The following SCAPER variants were observed in gnomAD, a reference collection of about 807,000 sequenced individuals.
The protein encoded by SCAPER is S-phase cyclin A associated protein in the ER, also known as S phase cyclin A-associated protein in the endoplasmic reticulum.
SCAPER carries 98 observed loss-of-function variants against 182.2 expected under a neutral mutation model. The ratio of observed to expected loss-of-function variants is 0.54; its 90% CI spans 0.46 to 0.64. The LOEUF (loss-of-function observed/expected upper bound fraction) is 0.64, where lower values mean the gene tolerates loss of function less well. SCAPER is among the 30% of genes least tolerant of loss of function. The probability of loss-of-function intolerance (pLI) is 0.00; values close to 1 mark genes in which losing one functional copy is unlikely to be tolerated. For missense variants in SCAPER, 1,432 were observed against 1,690.0 expected, an observed-to-expected ratio of 0.85 and a Z score of 2.68; for synonymous variants, 605 against 564.6, an observed-to-expected ratio of 1.07 and a Z score of -1.01.
chr15:76,834,547 T>C (rs1030234876), intron 5 of SCAPER, among the ~76,000 whole-genome samples: 70 of 151,844 alleles, frequency 4.6e-4, no homozygotes, highest in Non-Finnish European at 1.0e-4. Flanking sequence ...CTCACCACCA[T>C]ACTAATAAGG....
intron 25 of SCAPER, among the ~76,000 whole-genome samples, chr15:76,450,443 A>AAG (rs1202715853): frequency 6.6e-5 from 10 of 152,168 alleles, no homozygotes; most frequent in Non-Finnish European, 1.5e-4. Context: ...GCCTTTTGGA[A>AAG]AGAGTATTTT....
intron 23 of SCAPER, among the ~76,000 whole-genome samples, chr15:76,515,854 C>CTCTGACATCAGAAATTCCCT (rs1261307400): frequency 2.6e-5 from 4 of 152,286 alleles, no homozygotes; most frequent in Middle Eastern, 3.4e-3. Context: ...ATTCCTGGGG[C>CTCTGACATCAGAAATTCCCT]TCTGACATCA....
At chr15:76,870,950 C>T (rs2072680861) in intron 2 of SCAPER, among the ~76,000 whole-genome samples, 2 of 151,884 alleles carry the variant, frequency 1.3e-5, no homozygotes, top group African/African-American at 4.8e-5. Context: ...CCGACAACAA[C>T]AACAACAAAA....
chr15:76,636,098 C>G (rs2053575836), intron 21 of SCAPER, among the ~76,000 whole-genome samples: 1 of 152,102 alleles, frequency 6.6e-6, no homozygotes. Context: ...CTACTAGTGA[C>G]AAACAATTCA....
At chr15:76,573,584 T>A (rs924591456) in intron 23 of SCAPER, among the ~76,000 whole-genome samples, 3 of 152,118 alleles carry the variant, frequency 2.0e-5, no homozygotes, top group Non-Finnish European at 2.9e-5. Flanking sequence ...AAAAGTCCAA[T>A]AAAATGTTTG....
chr15:76,511,425 C>T (rs2042016544), intron 23 of SCAPER, among the ~76,000 whole-genome samples: 1 of 152,152 alleles, frequency 6.6e-6, no homozygotes, highest in African/African-American at 2.4e-5. Context: ...CTTGGATACA[C>T]ACTGAAGAAA....
intron 25 of SCAPER, among the ~76,000 whole-genome samples, chr15:76,459,438 G>C (rs2048984668): frequency 6.6e-6 from 1 of 151,882 alleles, no homozygotes. Flanking sequence ...TTCTCTTGAT[G>C]ATTAGTGACG....
At position 76,489,529 on chromosome 15, in the gene SCAPER, G is replaced by A. The variant is rs185024663; in HGVS notation, c.2954+15330C>T. Among the ~76,000 whole-genome samples, 11 of 151,916 alleles carry A rather than the reference G, an allele frequency of 7.2e-5. No individual in the cohort carries two copies. The East Asian group carries it at 2.2e-3, about 30-fold the overall frequency. On this transcript the variant is annotated intron_variant, in intron 24 of 31. Coordinates refer to ENST00000563290, the MANE Select transcript of SCAPER (RefSeq NM_020843.4). ...TCATATACATGGAATTGTGCCACAT[G>A]TAGCTGTTAAGTCTGGCTTTTTTCA...
At chr15:76,883,775 C>A in intron 2 of SCAPER, 37 bp downstream of exon 2, 1 of 1,470,328 alleles carries the variant, frequency 6.8e-7, no homozygotes. Flanking sequence ...AAGAGAAAGG[C>A]AAAAAAACTA....
chr15:76,765,013 C>T lies in SCAPER; in HGVS notation c.1673G>A (p.Arg558Lys). Residue 558 changes from arginine to lysine, a missense_variant, in exon 14 of 32, where the codon AGG becomes AAG. Physicochemically the swap from Arg to Lys is conservative, Grantham distance 26 (BLOSUM62 2). This residue lies in a region of SCAPER where 128 missense variants were observed against 149.9 expected (regional missense o/e 0.85). Transcript: ENST00000563290. ...TGTTTTCTCTTCGCGTAACTTTTCC[C>T]TTAGCTGCTGTGCTTTCATTTGTTT... ...EEKQMKAQQL[R>K]EKLREEKTLK... is the part of the protein sequence containing the mutation. 3 of 1,604,174 alleles carry T rather than the reference C, an allele frequency of 1.9e-6. No individual in the cohort carries two copies. The highest frequency in any genetic ancestry group is 2.6e-6 in the Non-Finnish European group (3 of 1,175,518).
At chr15:76,767,406 T>A (rs1379820614) in intron 10 of SCAPER, among the ~76,000 whole-genome samples, 1 of 152,086 alleles carries the variant, frequency 6.6e-6, no homozygotes, top group Non-Finnish European at 1.5e-5. Flanking sequence ...AGTGCCAAAA[T>A]TCAAAACAAT....
intron 24 of SCAPER, among the ~76,000 whole-genome samples, chr15:76,493,526 A>G (rs1026087321): frequency 1.4e-4 from 21 of 152,210 alleles, no homozygotes; most frequent in African/African-American, 5.1e-4. Flanking sequence ...GTTATGTTTC[A>G]AAGATTACAA....
chr15:76,564,020 A>G (rs1248106329), intron 23 of SCAPER, among the ~76,000 whole-genome samples: 1 of 152,194 alleles, frequency 6.6e-6, no homozygotes, highest in Non-Finnish European at 1.5e-5. Flanking sequence ...ATACCTCAAA[A>G]TAATAAGAGC....
chr15:76,675,548 C>A (rs2057318684), intron 20 of SCAPER, among the ~76,000 whole-genome samples: 1 of 152,172 alleles, frequency 6.6e-6, no homozygotes, highest in Non-Finnish European at 1.5e-5. Context: ...CAGAATGATG[C>A]AGAAGCTGAA....
At chr15:76,675,958 G>A (rs2057347879) in intron 20 of SCAPER, among the ~76,000 whole-genome samples, 1 of 152,046 alleles carries the variant, frequency 6.6e-6, no homozygotes. Context: ...CCGAGTAGCT[G>A]GGATTACAGG....
intron 21 of SCAPER, among the ~76,000 whole-genome samples, chr15:76,657,921 T>A (rs2055807572): frequency 6.6e-6 from 1 of 152,138 alleles, no homozygotes; most frequent in Non-Finnish European, 1.5e-5. Flanking sequence ...TGCCTCAAAA[T>A]AATTAGAACT....
At chr15:76,838,043 T>C (rs1439259621) in intron 5 of SCAPER, among the ~76,000 whole-genome samples, 1 of 152,190 alleles carries the variant, frequency 6.6e-6, no homozygotes, top group Non-Finnish European at 1.5e-5. Context: ...AGCAGTCCTA[T>C]TATTAAGTAT....
intron 15 of SCAPER, among the ~76,000 whole-genome samples, chr15:76,736,009 T>C (rs1471336857): frequency 1.3e-5 from 2 of 152,198 alleles, no homozygotes; most frequent in African/African-American, 2.4e-5. Context: ...GTGATTGTGT[T>C]TGTACTGAAC....
intron 14 of SCAPER, 43 bp from the exon 15 acceptor site, chr15:76,753,991 A>G (rs1480797585): frequency 9.4e-6 from 15 of 1,588,254 alleles, no homozygotes; most frequent in Non-Finnish European, 1.2e-5. Context: ...CAATATATAC[A>G]ATCATTTAAA....
Sources: gnomAD v4.1 joint callset for allele counts (sites outside exome capture counted in the v4.1 genomes callset) on GRCh38, gnomAD v4.1.1 for gene constraint, gnomAD v4.1.1 regional missense constraint, MANE v1.5 for transcripts, NCBI Gene and HGNC (gene_info 2026-07-23, HGNC 2026-07-21) for gene names.